The following WDPCP variants were observed in gnomAD, a reference collection of about 807,000 sequenced individuals.
WDPCP encodes WD repeat-containing and planar cell polarity effector protein fritz homolog.
A neutral mutation model predicts 93.1 loss-of-function variants in WDPCP; 71 were observed. That is an observed-to-expected ratio of 0.76 (90% CI 0.63 to 0.93). WDPCP has a LOEUF of 0.93. Ranked by LOEUF, WDPCP falls within the 40% of genes least tolerant of loss-of-function variation. The pLI is 0.00. For synonymous variants in WDPCP, 315 were observed against 315.0 expected, an observed-to-expected ratio of 1.00 and a Z score of 0.00; for missense variants, 844 against 887.4, an observed-to-expected ratio of 0.95 and a Z score of 0.62.
intron 2 of WDPCP, among the ~76,000 whole-genome samples, chr2:63,725,918 T>C (rs1441418451): frequency 6.6e-6 from 1 of 152,172 alleles, no homozygotes; most frequent in Admixed American, 6.5e-5. Flanking sequence ...ATTTTTTAAG[T>C]TCCTTATAGA....
intron 14 of WDPCP, among the ~76,000 whole-genome samples, chr2:63,182,425 C>T (rs930299818): frequency 1.3e-5 from 2 of 151,764 alleles, no homozygotes; most frequent in African/African-American, 4.8e-5. Context: ...TTTTAATTCT[C>T]CTTATGTAAT....
chr2:63,833,806 G>A, the WDPCP span, among the ~76,000 whole-genome samples: 2 of 152,150 alleles, frequency 1.3e-5, no homozygotes, highest in Non-Finnish European at 1.5e-5. Flanking sequence ...AGATGAGAAT[G>A]ACTAAATTGA....
At chr2:63,378,173 A>T in intron 12 of WDPCP, 1 of 610,206 alleles carries the variant, frequency 1.6e-6, no homozygotes, top group Non-Finnish European at 2.8e-6. Context: ...ATTAAAAAGT[A>T]TTGGTTATAT....
intron 14 of WDPCP, among the ~76,000 whole-genome samples, chr2:63,220,358 A>G (rs1677709155): frequency 6.6e-6 from 1 of 152,180 alleles, no homozygotes; most frequent in Non-Finnish European, 1.5e-5. Context: ...CTGACTGAAC[A>G]TAAACAACTC....
chr2:63,134,961 A>C (rs1670519620), intron 17 of WDPCP, among the ~76,000 whole-genome samples: 1 of 152,162 alleles, frequency 6.6e-6, no homozygotes, highest in Admixed American at 6.5e-5. Flanking sequence ...TGTCTCTACA[A>C]AAAATACAAA....
intron 2 of WDPCP, among the ~76,000 whole-genome samples, chr2:63,686,794 A>C (rs543378219): frequency 1.3e-5 from 2 of 152,240 alleles, no homozygotes; most frequent in Admixed American, 6.5e-5. Context: ...CATTTTTGAC[A>C]AAGTTGCCAA....
intron 1 of WDPCP, among the ~76,000 whole-genome samples, chr2:63,508,117 C>T (rs953046118): frequency 2.0e-5 from 3 of 151,946 alleles, no homozygotes; most frequent in African/African-American, 4.8e-5. Flanking sequence ...AAGAGCAACC[C>T]CAAGACAAAT....
intron 2 of WDPCP, among the ~76,000 whole-genome samples, chr2:63,688,530 T>TGCAAAAAA (rs1419956828): frequency 8.5e-4 from 129 of 152,024 alleles, no homozygotes; most frequent in Admixed American, 1.4e-3. Context: ...AGAGAAATAG[T>TGCAAAAAA]TAGAAAGAAT....
chr2:63,406,925 C>A (rs1218244139), intron 9 of WDPCP, among the ~76,000 whole-genome samples: 1 of 152,074 alleles, frequency 6.6e-6, no homozygotes, highest in Non-Finnish European at 1.5e-5. Flanking sequence ...GACAAAGGGA[C>A]CTTTCTGCTT....
intron 2 of WDPCP, chr2:63,684,245 C>CA: frequency 4.3e-6 from 2 of 464,556 alleles, no homozygotes; most frequent in Non-Finnish European, 8.1e-6. Flanking sequence ...TTAAAACATT[C>CA]AAAAAATTGA....
intron 14 of WDPCP, among the ~76,000 whole-genome samples, chr2:63,207,356 T>G (rs1374003910): frequency 6.6e-6 from 1 of 152,150 alleles, no homozygotes. Flanking sequence ...CTCCACCATG[T>G]GAAGAAGGAG....
intron 6 of WDPCP, among the ~76,000 whole-genome samples, chr2:63,456,625 C>T (rs1367662202): frequency 6.6e-6 from 1 of 152,094 alleles, no homozygotes; most frequent in Non-Finnish European, 1.5e-5. Context: ...AAGAACAAAT[C>T]AAACCCCAAA....
chr2:63,408,511 G>A (rs1031712212), intron 9 of WDPCP, among the ~76,000 whole-genome samples: 2 of 152,250 alleles, frequency 1.3e-5, no homozygotes, highest in Middle Eastern at 3.4e-3. Context: ...AGGAAGACGG[G>A]TAAAACTCCA....
chr2:63,358,676 T>C (rs1209201483), intron 12 of WDPCP, among the ~76,000 whole-genome samples: 1 of 152,144 alleles, frequency 6.6e-6, no homozygotes, highest in Non-Finnish European at 1.5e-5. Flanking sequence ...CAGCTGGTCT[T>C]GAACTAGTTG....
intron 2 of WDPCP, among the ~76,000 whole-genome samples, chr2:63,727,518 T>G (rs911459400): frequency 1.3e-5 from 2 of 152,172 alleles, no homozygotes; most frequent in African/African-American, 4.8e-5. Flanking sequence ...TTTATTTGTT[T>G]GTTATGTCTC....
At chr2:63,366,055 G>A (rs957233846) in intron 12 of WDPCP, among the ~76,000 whole-genome samples, 3 of 152,140 alleles carry the variant, frequency 2.0e-5, no homozygotes, top group Non-Finnish European at 2.9e-5. Flanking sequence ...AGAATCTCAT[G>A]TTGGAAAGAA....
intron 1 of WDPCP, among the ~76,000 whole-genome samples, chr2:63,505,922 T>G (rs1701840850): frequency 6.6e-6 from 1 of 151,990 alleles, no homozygotes; most frequent in African/African-American, 2.4e-5. Context: ...AGAAAAATAA[T>G]GAATACAATT....
intron 9 of WDPCP, among the ~76,000 whole-genome samples, chr2:63,406,708 A>C (rs1033420183): frequency 6.6e-5 from 10 of 152,230 alleles, no homozygotes; most frequent in Admixed American, 1.3e-4. Context: ...GACAAAAAGC[A>C]GGTATGACCT....
intron 15 of WDPCP, among the ~76,000 whole-genome samples, chr2:63,166,739 T>G (rs1301926197): frequency 6.6e-6 from 1 of 152,202 alleles, no homozygotes; most frequent in Non-Finnish European, 1.5e-5. Flanking sequence ...AATAAGCACA[T>G]CAGGGTAAAT....
Sources: allele counts gnomAD v4.1 joint callset (sites outside exome capture counted in the v4.1 genomes callset), GRCh38; gene constraint gnomAD v4.1.1; transcripts MANE v1.5; gene names NCBI Gene and HGNC (gene_info 2026-07-23, HGNC 2026-07-21).